Variants in TBC1D1 observed in about 807,000 individuals in gnomAD.
TBC1D1 encodes the protein TBC1 domain family member 1.
TBC1D1 carries 89 observed loss-of-function variants against 125.6 expected under a neutral mutation model. That is an observed-to-expected ratio of 0.71 (90% CI 0.60 to 0.85). The LOEUF (loss-of-function observed/expected upper bound fraction) is 0.85, where lower values mean the gene tolerates loss of function less well. TBC1D1 is among the 40% of genes least tolerant of loss of function. The pLI is 0.00. For missense variants in TBC1D1, 1,377 were observed against 1,469.2 expected, an observed-to-expected ratio of 0.94 and a Z score of 1.03; for synonymous variants, 565 against 564.1, an observed-to-expected ratio of 1.00 and a Z score of -0.02.
chr4:38,040,004 G>A (rs1325797740), intron 8 of TBC1D1, among the ~76,000 whole-genome samples: 1 of 151,890 alleles, frequency 6.6e-6, no homozygotes, highest in Non-Finnish European at 1.5e-5. Context: ...CTTCCAAGGA[G>A]AAACTTCTAG....
At chr4:37,906,703 T>A (rs1327751171) in intron 2 of TBC1D1, among the ~76,000 whole-genome samples, 1 of 152,226 alleles carries the variant, frequency 6.6e-6, no homozygotes, top group African/African-American at 2.4e-5. Context: ...TTAATACAAG[T>A]TTATTTGGTG....
intron 11 of TBC1D1, among the ~76,000 whole-genome samples, chr4:38,053,762 G>GC (rs1417081612): frequency 6.6e-6 from 1 of 152,240 alleles, no homozygotes; most frequent in Non-Finnish European, 1.5e-5. Context: ...TAATTAAATT[G>GC]CAAGTTTTTT....
intron 6 of TBC1D1, among the ~76,000 whole-genome samples, chr4:38,022,305 C>G (rs1193385716): frequency 6.6e-6 from 1 of 152,142 alleles, no homozygotes; most frequent in African/African-American, 2.4e-5. Context: ...TAAGATCTGC[C>G]AGGAAGTGTA....
chr4:37,911,600 G>A (rs1170157907), intron 2 of TBC1D1, among the ~76,000 whole-genome samples: 2 of 152,180 alleles, frequency 1.3e-5, no homozygotes, highest in Admixed American at 1.3e-4. Flanking sequence ...CCATGCATTG[G>A]AAGTTGTCAT....
chr4:37,998,216 C>G (rs77699782), intron 2 of TBC1D1, among the ~76,000 whole-genome samples: 1 of 152,272 alleles, frequency 6.6e-6, no homozygotes, highest in African/African-American at 2.4e-5. Context: ...TGTATTCACT[C>G]TGGGTGTGAG....
intron 4 of TBC1D1, among the ~76,000 whole-genome samples, chr4:38,019,036 T>A (rs1384029895): frequency 6.6e-6 from 1 of 152,170 alleles, no homozygotes; most frequent in African/African-American, 2.4e-5. Context: ...CAGTGTCTAC[T>A]TGAAAACTTT....
intron 2 of TBC1D1, among the ~76,000 whole-genome samples, chr4:37,936,343 T>C (rs935822200): frequency 2.0e-5 from 3 of 152,226 alleles, no homozygotes; most frequent in Non-Finnish European, 2.9e-5. Context: ...AATATCCTAT[T>C]GTACAGTACT....
chr4:38,012,931 T>C (rs918553648), intron 2 of TBC1D1, among the ~76,000 whole-genome samples: 24 of 152,230 alleles, frequency 1.6e-4, no homozygotes, highest in Non-Finnish European at 1.6e-4. Context: ...GTAGCTGGGA[T>C]TACAGGCACC....
In TBC1D1 at chr4:38,042,364, C is replaced by T. The variant is rs1183981070; in HGVS notation, c.1414-1998C>T. Among the ~76,000 whole-genome samples, 5 of 151,978 alleles carry T rather than the reference C, an allele frequency of 3.3e-5. No individual in the cohort carries two copies. In the East Asian group the frequency reaches 5.8e-4, roughly 18 times the overall value. ...CTGCCTCCTGGGTTCGAGCGATTCT[C>T]CTGCCTCAGCCTCCCAAGTAGCTGG... On this transcript the variant is annotated intron_variant, in intron 8 of 19. Coordinates refer to ENST00000261439, the MANE Select transcript of TBC1D1 (RefSeq NM_015173.4).
In TBC1D1 at chr4:38,138,371, T is replaced by C. The variant is rs1209488055; in HGVS notation, c.*1036T>C. 1 of 152,466 alleles carries C rather than the reference T, an allele frequency of 6.6e-6. No individual in the cohort carries two copies. The highest frequency in any genetic ancestry group is 2.4e-5 in the African/African-American group (1 of 41,456). 9.4% of individuals were successfully genotyped at this position (152,466 alleles called of 1,614,324 possible). ...TGTGATGTAATGCAATCATGTTCCT[T>C]TGAGTCTCCATCCCTTGGAAATCTG... is the stretch of plus-strand genomic sequence containing the variant. On this transcript the variant is annotated 3_prime_UTR_variant, in exon 20 of 20. Coordinates refer to ENST00000261439, the MANE Select transcript of TBC1D1 (RefSeq NM_015173.4).
At chr4:38,005,130 C>G (rs1739861576) in intron 2 of TBC1D1, among the ~76,000 whole-genome samples, 1 of 152,182 alleles carries the variant, frequency 6.6e-6, no homozygotes, top group Non-Finnish European at 1.5e-5. Flanking sequence ...AACAACACCT[C>G]TGCTGGTGCT....
chr4:38,023,968 G>A (rs955086619), intron 6 of TBC1D1, among the ~76,000 whole-genome samples: 12 of 152,036 alleles, frequency 7.9e-5, no homozygotes, highest in African/African-American at 2.4e-4. Flanking sequence ...TTACGTCCTC[G>A]CAAGATTTGC....
At chr4:38,011,809 T>C (rs571134255) in intron 2 of TBC1D1, among the ~76,000 whole-genome samples, 4 of 152,344 alleles carry the variant, frequency 2.6e-5, no homozygotes, top group Non-Finnish European at 1.5e-5. Context: ...GAAAAAAAAC[T>C]ACCACAACCT....
At chr4:38,052,766 G>T (rs1295495241) in intron 11 of TBC1D1, among the ~76,000 whole-genome samples, 1 of 66,682 alleles carries the variant, frequency 1.5e-5, no homozygotes, top group African/African-American at 5.9e-5. Flanking sequence ...ACACACACAG[G>T]ATAACATCTG....
At chr4:38,112,792 G>A (rs1013452638) in intron 15 of TBC1D1, among the ~76,000 whole-genome samples, 7 of 152,180 alleles carry the variant, frequency 4.6e-5, no homozygotes, top group East Asian at 1.9e-4. Flanking sequence ...AGCAGAACTG[G>A]AGGCCAGTGC....
At chr4:37,928,690 C>A (rs905519315) in intron 2 of TBC1D1, among the ~76,000 whole-genome samples, 1 of 152,184 alleles carries the variant, frequency 6.6e-6, no homozygotes, top group Admixed American at 6.6e-5. Context: ...TTCTTCCAGG[C>A]GGTCTTTGGC....
chr4:38,053,662 A>G (rs755812521), intron 11 of TBC1D1, among the ~76,000 whole-genome samples: 21 of 152,270 alleles, frequency 1.4e-4, no homozygotes, highest in Non-Finnish European at 2.6e-4. Context: ...TTATATATTG[A>G]TAACTGTATT....
chr4:38,038,961 A>T (rs918458501), intron 8 of TBC1D1, among the ~76,000 whole-genome samples: 4 of 150,758 alleles, frequency 2.7e-5, no homozygotes, highest in Admixed American at 2.6e-4. Context: ...AAAAAAAAAA[A>T]TTTCATCCTA....
intron 12 of TBC1D1, among the ~76,000 whole-genome samples, chr4:38,080,995 T>C (rs1578595559): frequency 6.6e-6 from 1 of 152,216 alleles, no homozygotes; most frequent in African/African-American, 2.4e-5. Flanking sequence ...AGTTTTATGA[T>C]AGTTTTGCAT....
Sources: allele counts gnomAD v4.1 joint callset (sites outside exome capture counted in the v4.1 genomes callset), GRCh38; gene constraint gnomAD v4.1.1; transcripts MANE v1.5; gene names NCBI Gene and HGNC (gene_info 2026-07-23, HGNC 2026-07-21).